Variants in VWC2L observed in about 807,000 individuals in gnomAD.
VWC2L encodes the protein von Willebrand factor C domain containing 2 like.
In VWC2L, 10 loss-of-function variants were observed where a neutral mutation model predicts 21.6. That is an observed-to-expected ratio of 0.46 (90% CI 0.29 to 0.78). The LOEUF is 0.78. Among genes scored for constraint, VWC2L ranks in the 30% least tolerant of loss-of-function variants. The pLI is 0.10. For synonymous variants in VWC2L, 96 were observed against 94.3 expected, an observed-to-expected ratio of 1.02 and a Z score of -0.10; for missense variants, 209 against 277.1, an observed-to-expected ratio of 0.75 and a Z score of 1.74.
At chr2:214,480,864 CAAAAAAAAAAA>C (rs59720596) in intron 3 of VWC2L, among the ~76,000 whole-genome samples, 48 of 71,752 alleles carry the variant, frequency 6.7e-4, no homozygotes, top group South Asian at 1.8e-3. Flanking sequence ...TATGCCAAGC[CAAAAAAAAAAA>C]AAAAAAAAAA....
At chr2:214,455,317 T>A (rs1049986168) in intron 3 of VWC2L, among the ~76,000 whole-genome samples, 1 of 152,244 alleles carries the variant, frequency 6.6e-6, no homozygotes, top group South Asian at 2.1e-4. Context: ...TACCATTTTA[T>A]CTAAGCTGCT....
At position 214,522,111 on chromosome 2, in the gene VWC2L, C is replaced by T. The variant is rs185337998; in HGVS notation, c.521-53561C>T. 2.2e-3 allele frequency among the ~76,000 whole-genome samples: 328 copies of T among 152,280 alleles called. 1 individual carries two copies. The highest frequency in any genetic ancestry group is 7.5e-3 in the African/African-American group (312 of 41,564). Reference sequence around the variant, plus strand: ...TGTATTTTGGCCGGGCGCGGTGGCTCACGCCTGTAATCCCAGCACTTTGGG... The same window carrying T: ...TGTATTTTGGCCGGGCGCGGTGGCTTACGCCTGTAATCCCAGCACTTTGGG... On this transcript the variant is annotated intron_variant, in intron 3 of 3. Coordinates refer to ENST00000312504, the MANE Select transcript of VWC2L (RefSeq NM_001080500.4).
chr2:214,512,607 G>T (rs924173288), intron 3 of VWC2L, among the ~76,000 whole-genome samples: 5 of 151,804 alleles, frequency 3.3e-5, no homozygotes, highest in African/African-American at 1.2e-4. Flanking sequence ...AAAAATTTTT[G>T]TCAATGGACA....
At chr2:214,560,879 C>T (rs549780898) in intron 3 of VWC2L, among the ~76,000 whole-genome samples, 1 of 152,166 alleles carries the variant, frequency 6.6e-6, no homozygotes, top group Non-Finnish European at 1.5e-5. Context: ...AGTAATTGAA[C>T]CATTTAACCA....
intron 3 of VWC2L, among the ~76,000 whole-genome samples, chr2:214,504,056 T>C (rs1454395261): frequency 1.3e-5 from 2 of 152,230 alleles, no homozygotes; most frequent in Non-Finnish European, 1.5e-5. Flanking sequence ...GAGAGTCCAG[T>C]ACATTGTACA....
In VWC2L at chr2:214,563,578, A is replaced by AAAAAAAAG. The variant is rs1229933171; in HGVS notation, c.521-12091_521-12090insAAAAGAAA. On this transcript the variant is annotated intron_variant, in intron 3 of 3. Transcript: ENST00000312504. ...AAAAAAAAAAAAAAAAAAAAAAAAA[A>AAAAAAAAG]AAATCAAGTGGTTCTAAATGTGAAG... Among the ~76,000 whole-genome samples, 7 of 133,530 alleles carry AAAAAAAAG rather than the reference A, an allele frequency of 5.2e-5. 3 individuals are homozygous for AAAAAAAAG. The highest frequency in any genetic ancestry group is 1.1e-4 in the Non-Finnish European group (7 of 63,778). 87.6% of individuals were successfully genotyped at this position (133,530 alleles called of 152,430 possible). A position where few individuals can be genotyped will look rare whatever the true frequency, so the allele number is the denominator to read the frequency against.
chr2:214,423,368 G>T (rs1055043891), intron 2 of VWC2L, among the ~76,000 whole-genome samples: 2 of 152,046 alleles, frequency 1.3e-5, no homozygotes, highest in Non-Finnish European at 2.9e-5. Flanking sequence ...GAAACTTAGT[G>T]ATAACACACT....
chr2:214,438,911 T>C (rs1488918871), intron 3 of VWC2L, among the ~76,000 whole-genome samples: 1 of 152,086 alleles, frequency 6.6e-6, no homozygotes, highest in Non-Finnish European at 1.5e-5. Flanking sequence ...TTTTAAATCA[T>C]GAAGCACTAT....
At chr2:214,572,014 T>G (rs1690156814) in intron 3 of VWC2L, among the ~76,000 whole-genome samples, 1 of 152,142 alleles carries the variant, frequency 6.6e-6, no homozygotes, top group African/African-American at 2.4e-5. Flanking sequence ...ACTCCTGGGC[T>G]CAAGTGATCC....
chr2:214,573,119 A>T (rs1690176572), intron 3 of VWC2L, among the ~76,000 whole-genome samples: 1 of 152,172 alleles, frequency 6.6e-6, no homozygotes, highest in Admixed American at 6.5e-5. Flanking sequence ...TCCCTTCAGG[A>T]TAAGCATAGA....
At chr2:214,424,238 C>CCTGTG (rs1388547191) in intron 2 of VWC2L, among the ~76,000 whole-genome samples, 1 of 152,090 alleles carries the variant, frequency 6.6e-6, no homozygotes, top group Admixed American at 6.6e-5. Context: ...ATGCTAGCAT[C>CCTGTG]CTGTGTGATT....
intron 3 of VWC2L, among the ~76,000 whole-genome samples, chr2:214,440,798 C>T (rs1375287177): frequency 6.6e-6 from 1 of 152,110 alleles, no homozygotes; most frequent in Non-Finnish European, 1.5e-5. Flanking sequence ...TGAACATCTG[C>T]ATTAAAAAAT....
intron 2 of VWC2L, among the ~76,000 whole-genome samples, chr2:214,434,120 A>G (rs1341534121): frequency 6.6e-6 from 1 of 152,114 alleles, no homozygotes; most frequent in East Asian, 1.9e-4. Context: ...TGATGTTTTT[A>G]TTTTTCTCAT....
At chr2:214,413,297 A>C (rs973744149) in intron 1 of VWC2L, among the ~76,000 whole-genome samples, 1 of 152,060 alleles carries the variant, frequency 6.6e-6, no homozygotes, top group East Asian at 1.9e-4. Flanking sequence ...TACTAGATTC[A>C]AGTTACTGTG....
intron 3 of VWC2L, among the ~76,000 whole-genome samples, chr2:214,529,511 C>A (rs1689398625): frequency 6.6e-6 from 1 of 152,084 alleles, no homozygotes; most frequent in East Asian, 1.9e-4. Context: ...TTTTATATGC[C>A]GTTTCTTCTT....
At chr2:214,497,277 G>A (rs1688825897) in intron 3 of VWC2L, among the ~76,000 whole-genome samples, 1 of 152,164 alleles carries the variant, frequency 6.6e-6, no homozygotes, top group Non-Finnish European at 1.5e-5. Flanking sequence ...GTCAATGAGT[G>A]TAGATGGTGG....
rs59720596 is a variant in VWC2L at position 214,480,864 on chromosome 2, CAAAAA to C, written c.520+44126_520+44130del. On this transcript the variant is annotated intron_variant, in intron 3 of 3. Coordinates refer to ENST00000312504, the MANE Select transcript of VWC2L (RefSeq NM_001080500.4). ...TTATTCAGAGGTCCATATGCCAAGC[CAAAAA>C]AAAAAAAAAAAAAAAAAAAGGTAGA... Among the ~76,000 whole-genome samples, 102 of 71,762 alleles carry C rather than the reference CAAAAA, an allele frequency of 1.4e-3. 2 individuals are homozygous for C. Among genetic ancestry groups the C allele is most frequent in the African/African-American group, 5.4e-3 (99 of 18,430 alleles). The allele number at this position is 71,762 out of a possible 152,430, so 47.1% of individuals were successfully genotyped here.
At chr2:214,557,988 C>T (rs1159455113) in intron 3 of VWC2L, among the ~76,000 whole-genome samples, 1 of 152,186 alleles carries the variant, frequency 6.6e-6, no homozygotes, top group African/African-American at 2.4e-5. Flanking sequence ...ACTTCCCATC[C>T]ATTCATCAGT....
intron 3 of VWC2L, among the ~76,000 whole-genome samples, chr2:214,515,034 AG>A (rs1689118250): frequency 6.6e-6 from 1 of 152,214 alleles, no homozygotes; most frequent in Non-Finnish European, 1.5e-5. Flanking sequence ...CATCATAAAA[AG>A]CATTAAGTCC....
Sources: allele counts gnomAD v4.1 joint callset (sites outside exome capture counted in the v4.1 genomes callset), GRCh38; gene constraint gnomAD v4.1.1; transcripts MANE v1.5; gene names NCBI Gene and HGNC (gene_info 2026-07-23, HGNC 2026-07-21).